The following PTTG1 variants were observed in gnomAD, a reference collection of about 807,000 sequenced individuals.
The protein encoded by PTTG1 is securin.
Under a neutral mutation model 20.0 loss-of-function variants are expected in PTTG1, and 8 were observed. The observed-to-expected ratio is 0.40, with a 90% CI of 0.23 to 0.72. PTTG1 has a LOEUF of 0.72. PTTG1 is among the 30% of genes least tolerant of loss of function. The pLI, the probability that PTTG1 is intolerant of heterozygous loss-of-function variation, is 0.38. For missense variants in PTTG1, 197 were observed against 236.0 expected (o/e 0.83, Z 1.08); for synonymous variants, 79 against 87.2 (o/e 0.91, Z 0.52).
At chr5:160,427,335 C>G (rs1765825775) in intron 4 of PTTG1, among the ~76,000 whole-genome samples, 1 of 152,164 alleles carries the variant, frequency 6.6e-6, no homozygotes, top group South Asian at 2.1e-4. Context: ...TGGCATACTT[C>G]TCATTTTATC....
intron 3 of PTTG1, among the ~76,000 whole-genome samples, chr5:160,423,221 G>A (rs1765749257): frequency 6.6e-6 from 1 of 152,156 alleles, no homozygotes; most frequent in Non-Finnish European, 1.5e-5. Context: ...CTGGTTGGTG[G>A]TATCCACTTA....
Position 160,427,859 on chromosome 5 carries a change from C to T in PTTG1, c.515C>T (p.Pro172Leu), listed in dbSNP as rs749294575. 1.2e-6 allele frequency: 2 copies of T among 1,614,156 alleles called. No homozygotes were observed. The highest frequency in any genetic ancestry group is 3.3e-5 in the Admixed American group (2 of 60,024). ...CCTTCACCTGTGAAGATGCCCTCTC[C>T]ACCATGGGAATCCAGTAAGTGAGCA... is the stretch of plus-strand genomic sequence containing the variant. ...GPPSPVKMPS[P>L]PWESNLLQSP... Residue 172 changes from proline (P) to leucine (L), a missense_variant, in exon 5 of 6, where the codon CCA becomes CTA. Coordinates refer to ENST00000352433, the MANE Select transcript of PTTG1 (RefSeq NM_004219.4).
intron 5 of PTTG1, among the ~76,000 whole-genome samples, chr5:160,428,331 T>G (rs937955161): frequency 6.6e-6 from 1 of 152,234 alleles, no homozygotes; most frequent in Non-Finnish European, 1.5e-5. Context: ...GTGGGATAAT[T>G]TGTCCTAATA....
intron 1 of PTTG1, 79 bp downstream of exon 1, chr5:160,421,970 G>GGCTGAA (rs138221856): frequency 0.23 from 44,530 of 195,984 alleles, 5,981 homozygotes; most frequent in Admixed American, 0.31. Flanking sequence ...CTGCGGCTGG[G>GGCTGAA]GCTGAAGCTG....
At chr5:160,428,484 GTGAT>G in intron 5 of PTTG1, 114 bp from the exon 6 acceptor site, 2 of 872,916 alleles carry the variant, frequency 2.3e-6, no homozygotes, top group Non-Finnish European at 3.7e-6. Context: ...GGGGATGCAG[GTGAT>G]TGATTTGACA....
At chr5:160,422,936 T>C (rs755345880) in intron 3 of PTTG1, 43 bp downstream of exon 3, 3 of 1,584,136 alleles carry the variant, frequency 1.9e-6, no homozygotes, top group Non-Finnish European at 1.7e-6. Context: ...ACTTAAGCAC[T>C]TTTGACTCTT....
chr5:160,423,922 T>C (rs1765763088), intron 3 of PTTG1, among the ~76,000 whole-genome samples: 1 of 152,242 alleles, frequency 6.6e-6, no homozygotes. Context: ...CTTTGATGAT[T>C]AGCTACTATC....
At chr5:160,423,886 A>G (rs1022617981) in intron 3 of PTTG1, among the ~76,000 whole-genome samples, 4 of 152,204 alleles carry the variant, frequency 2.6e-5, no homozygotes, top group African/African-American at 9.7e-5. Flanking sequence ...TGTGGAAAAA[A>G]TCACACTCCT....
intron 4 of PTTG1, among the ~76,000 whole-genome samples, chr5:160,426,760 T>C (rs1381024635): frequency 2.6e-5 from 4 of 152,162 alleles, no homozygotes; most frequent in Admixed American, 2.6e-4. Context: ...ATTCCTTTTT[T>C]TGGCCAGATG....
intron 1 of PTTG1, 101 bp from the exon 2 acceptor site, chr5:160,422,201 G>GT (rs1056340196): frequency 4.9e-6 from 4 of 811,304 alleles, no homozygotes; most frequent in African/African-American, 1.7e-5. Context: ...TTTAGCTCTT[G>GT]TTTTTTGTGT....
At chr5:160,423,973 T>A (rs1250783900) in intron 3 of PTTG1, among the ~76,000 whole-genome samples, 1 of 152,256 alleles carries the variant, frequency 6.6e-6, no homozygotes, top group African/African-American at 2.4e-5. Flanking sequence ...TTAGGTTGAA[T>A]AATTGCATTG....
intron 5 of PTTG1, 92 bp from the exon 6 acceptor site, chr5:160,428,510 A>G: frequency 2.6e-6 from 3 of 1,162,054 alleles, no homozygotes; most frequent in Middle Eastern, 3.9e-4. Flanking sequence ...AGGGAAAAAC[A>G]TGAATTTTTG....
intron 2 of PTTG1, 26 bp downstream of exon 2, chr5:160,422,429 TAC>T (rs1288006970): frequency 6.3e-7 from 1 of 1,586,076 alleles, no homozygotes; most frequent in Admixed American, 1.7e-5. Flanking sequence ...TGCAGTCGGA[TAC>T]ACTGGTATTG....
chr5:160,422,644 A>C lies in PTTG1; in HGVS notation c.92-65A>C. On this transcript the variant is annotated intron_variant, in intron 2 of 5. Transcript: ENST00000352433. ...GGGGTGAGAGGTCAAGTTTATATAC[A>C]CAGTATTTAAGTTGTACAGGTATTT... The C allele has an allele frequency of 1.9e-6, 3 of 1,566,768 alleles. 1 individual carries two copies. In the South Asian group the frequency reaches 3.3e-5, roughly 17 times the overall value.
At chr5:160,428,580 A>G (rs759171171) in intron 5 of PTTG1, 22 bp from the exon 6 acceptor site, 3 of 1,606,466 alleles carry the variant, frequency 1.9e-6, no homozygotes, top group East Asian at 2.2e-5. Context: ...AGAAATTTTA[A>G]TAAGAGATTC....
rs7335 is a variant in PTTG1, at chr5:160,428,637, C to T, written c.565C>T (p.Leu189=). 6,100 of 1,614,014 alleles carry T rather than the reference C, an allele frequency of 3.8e-3. 209 individuals are homozygous for T. The African/African-American group carries it at 0.072, about 19-fold the overall frequency. ...GTCTCCTTCAAGCATTCTGTCGACC[C>T]TGGATGTTGAATTGCCACCTGTTTG... ...LQSPSSILST[L]DVELPPVCCD... Residue 189 remains leucine (L), a synonymous_variant, in exon 6 of 6, where the codon CTG becomes TTG. Coordinates refer to ENST00000352433, the MANE Select transcript of PTTG1 (RefSeq NM_004219.4).
chr5:160,422,230 A>G lies in PTTG1; in HGVS notation c.-11-72A>G, dbSNP rs143514672. ...TTTGTGTGGACACTCCTAGGATAGA[A>G]AGTTTGGTATGTTGCTATACCTTTG... On this transcript the variant is annotated intron_variant, in intron 1 of 5. Transcript: ENST00000352433. The G allele has an allele frequency of 6.7e-5, 75 of 1,115,404 alleles. No homozygotes were observed. The African/African-American group carries it at 1.1e-3, about 16-fold the overall frequency. 69.1% of individuals were successfully genotyped at this position (1,115,404 alleles called of 1,614,324 possible).
intron 3 of PTTG1, among the ~76,000 whole-genome samples, chr5:160,423,560 TAAAG>T (rs1765755688): frequency 2.0e-5 from 3 of 152,188 alleles, no homozygotes; most frequent in Admixed American, 6.5e-5. Context: ...TGAATTAACT[TAAAG>T]AAAAATATTA....
Position 160,427,844 on chromosome 5 carries a change from T to C in PTTG1, c.500T>C (p.Val167Ala). Residue 167 changes from valine to alanine, a missense_variant, in exon 5 of 6, where the codon GTG becomes GCG. Coordinates refer to ENST00000352433, the MANE Select transcript of PTTG1 (RefSeq NM_004219.4). ...TTTCAGCTGGGCCCCCCTTCACCTG[T>C]GAAGATGCCCTCTCCACCATGGGAA... Reference protein sequence around the residue: ...KLFQLGPPSPVKMPSPPWESN... With the variant: ...KLFQLGPPSPAKMPSPPWESN... 2 of 1,614,132 alleles carry C rather than the reference T, an allele frequency of 1.2e-6. No individual in the cohort carries two copies. The highest frequency in any genetic ancestry group is 1.7e-6 in the Non-Finnish European group (2 of 1,179,996).
Sources: gnomAD v4.1 joint callset for allele counts (sites outside exome capture counted in the v4.1 genomes callset) on GRCh38, gnomAD v4.1.1 for gene constraint, MANE v1.5 for transcripts, NCBI Gene and HGNC (gene_info 2026-07-23, HGNC 2026-07-21) for gene names.